The following GJC2 variants were observed in gnomAD, a reference collection of about 807,000 sequenced individuals.
The protein encoded by GJC2 is gap junction protein gamma 2, also known as gap junction gamma-2 protein.
For missense variants in GJC2, 647 were observed against 648.9 expected, an observed-to-expected ratio of 1.00 and a Z score of 0.03; for synonymous variants, 336 against 307.5, an observed-to-expected ratio of 1.09 and a Z score of -0.97.
chr1:228,151,015 C>G lies in GJC2; in HGVS notation c.-20+1008C>G, dbSNP rs957877543. ...AGCGATGACACACTCCCAGCCTGAC[C>G]CAGGCCTAACTCGCCCCCTTGGTCC... On this transcript the variant is annotated intron_variant, in intron 1 of 1. Transcript: ENST00000366714. This position sits in a 1 kb window ranked among gnomAD's most constrained non-coding sequence, Gnocchi z 5.4. Among the ~76,000 whole-genome samples, 2 of 152,090 alleles carry G rather than the reference C, an allele frequency of 1.3e-5. No individual in the cohort carries two copies. Among genetic ancestry groups the G allele is most frequent in the African/African-American group, 4.8e-5 (2 of 41,418 alleles).
chr1:228,157,740 G>GGAAC lies in GJC2; in HGVS notation c.-19_-18insGAAC. 1 of 662,260 alleles carries GGAAC rather than the reference G, an allele frequency of 1.5e-6. No homozygotes were observed. Among genetic ancestry groups the GGAAC allele is most frequent in the Non-Finnish European group, 2.6e-6 (1 of 378,506 alleles). 41.0% of individuals were successfully genotyped at this position (662,260 alleles called of 1,614,324 possible). A position where few individuals can be genotyped will look rare whatever the true frequency, so the allele number is the denominator to read the frequency against. ...GGCTGACCCCTACCCCGCCCCACAG[G>GGAAC]ACCCGCCCGCCCGCCCCTATGACCA... On this transcript the variant is annotated splice_region_variant and 5_prime_UTR_variant, in exon 2 of 2. Coordinates refer to ENST00000366714, the MANE Select transcript of GJC2 (RefSeq NM_020435.4).
In GJC2 at chr1:228,149,999, C is replaced by T. The variant is rs1380311880; in HGVS notation, c.-28C>T. The T allele has an allele frequency of 1.3e-5, 2 of 152,852 alleles. No homozygotes were observed. Among genetic ancestry groups the T allele is most frequent in the East Asian group, 3.9e-4 (2 of 5,186 alleles). The allele number at this position is 152,852 out of a possible 1,614,324, so 9.5% of individuals were successfully genotyped here. ...CTGAGGGAGACTGGAATTTTCTGGC[C>T]TGGAGAAGGTAGGGTGCTGGGGTCC... On this transcript the variant is annotated 5_prime_UTR_variant, in exon 1 of 2. Transcript: ENST00000366714.
Position 228,157,736 on chromosome 1 carries a change from A to ACCGGGGGGGGGGGGGGGGGGG in GJC2, c.-19-3_-19-2insCGGGGGGGGGGGGGGGGGGGC. ...CCCTGGCTGACCCCTACCCCGCCCC[A>ACCGGGGGGGGGGGGGGGGGGG]CAGGACCCGCCCGCCCGCCCCTATG... On this transcript the variant is annotated splice_region_variant and splice_polypyrimidine_tract_variant and intron_variant, in intron 1 of 1. Transcript: ENST00000366714. 1 of 677,004 alleles carries ACCGGGGGGGGGGGGGGGGGGG rather than the reference A, an allele frequency of 1.5e-6. No homozygotes were observed. Among genetic ancestry groups the ACCGGGGGGGGGGGGGGGGGGG allele is most frequent in the African/African-American group, 1.9e-5 (1 of 53,934 alleles). 41.9% of individuals were successfully genotyped at this position (677,004 alleles called of 1,614,324 possible). A position where few individuals can be genotyped will look rare whatever the true frequency, so the allele number is the denominator to read the frequency against.
In GJC2 at chr1:228,158,779, G is replaced by T. The variant is rs1165653380; in HGVS notation, c.1021G>T (p.Glu341Ter). The T allele has an allele frequency of 1.4e-6, 2 of 1,415,370 alleles. No individual in the cohort carries two copies. The highest frequency in any genetic ancestry group is 1.3e-5 in the South Asian group (1 of 75,364). 87.7% of individuals were successfully genotyped at this position (1,415,370 alleles called of 1,614,324 possible). The change falls in exon 2 of 2, where the codon GAG becomes TAG. Residue 341 changes from glutamate to a stop codon, truncating the protein, a stop_gained. Transcript: ENST00000366714. LOFTEE classifies it low-confidence loss of function (END_TRUNC). The surrounding 1 kb of genome is among the most constrained non-coding windows in gnomAD (Gnocchi z 8.3). ...CTACAGCCTGGTGGTGCGGGCGGCC[G>T]AGCGCGCTCGGGCGCATGACCAGAA... ...PDYSLVVRAA[E>*]RARAHDQNLA...
intron 1 of GJC2, among the ~76,000 whole-genome samples, chr1:228,153,581 CTTT>C (rs149136887): frequency 1.6e-4 from 15 of 93,152 alleles, no homozygotes; most frequent in South Asian, 4.2e-4. Context: ...TTTCTCTTTT[CTTT>C]TTTTTTTTTT....
Position 228,151,561 on chromosome 1 carries a change from C to G in GJC2, c.-20+1554C>G, listed in dbSNP as rs1231193451. Among the ~76,000 whole-genome samples the G allele has an allele frequency of 6.6e-6, 1 of 152,072 alleles. No individual in the cohort carries two copies. The highest frequency in any genetic ancestry group is 1.5e-5 in the Non-Finnish European group (1 of 68,008). ...AGCCCAGCTCCATGTTGAGCTCGAGCAGCAGTGTGCATGTGGCAGTGTGCA... is the reference window on the plus strand; with the variant it reads ...AGCCCAGCTCCATGTTGAGCTCGAGGAGCAGTGTGCATGTGGCAGTGTGCA... On this transcript the variant is annotated intron_variant, in intron 1 of 1. Coordinates refer to ENST00000366714, the MANE Select transcript of GJC2 (RefSeq NM_020435.4). This position sits in a 1 kb window ranked among gnomAD's most constrained non-coding sequence, Gnocchi z 5.4.
At chr1:228,156,305 G>T (rs979609936) in intron 1 of GJC2, among the ~76,000 whole-genome samples, 1 of 152,246 alleles carries the variant, frequency 6.6e-6, no homozygotes, top group African/African-American at 2.4e-5. Context: ...CATGCCTGTG[G>T]ATGTACACAT....
In GJC2 at chr1:228,158,095, G is replaced by C. The variant is rs1472672626; in HGVS notation, c.337G>C (p.Ala113Pro). The part of the protein sequence containing the change: ...ARASEQERRR[A>P]LRRRPGPRRA... ...TGCGTCTGAGCAGGAGCGGCGCCGC[G>C]CCCTCCGCCGCCGCCCGGGGCCACG... Residue 113 changes from alanine to proline, a missense_variant, in exon 2 of 2, where the codon GCC becomes CCC. By Grantham distance (27) the Ala-to-Pro change is conservative. Transcript: ENST00000366714. The surrounding 1 kb of genome is among the most constrained non-coding windows in gnomAD (Gnocchi z 8.3). 2 of 1,478,330 alleles carry C rather than the reference G, an allele frequency of 1.4e-6. No individual in the cohort carries two copies. Among genetic ancestry groups the C allele is most frequent in the Non-Finnish European group, 1.8e-6 (2 of 1,109,386 alleles). The allele number at this position is 1,478,330 out of a possible 1,614,324, so 91.6% of individuals were successfully genotyped here.
Position 228,158,369 on chromosome 1 carries a change from T to G in GJC2, c.611T>G (p.Ile204Ser). 6.3e-7 allele frequency: 1 copy of G among 1,599,132 alleles called. No individual in the cohort carries two copies. The highest frequency in any genetic ancestry group is 1.1e-5 in the South Asian group (1 of 90,410). ...GGGCAACACGATGGGCGGAGGCGCA[T>G]CCAGCGGGAGGGCCTGATGCGCGTG... ...PTGQHDGRRR[I>S]QREGLMRVYV... Residue 204 changes from isoleucine (I) to serine (S), a missense_variant, in exon 2 of 2, where the codon ATC (isoleucine) becomes AGC (serine). Ile to Ser is a moderately radical substitution (Grantham distance 142). Transcript: ENST00000366714. This position sits in a 1 kb window ranked among gnomAD's most constrained non-coding sequence, Gnocchi z 8.3.
rs1434548378 is a variant in GJC2, at chr1:228,158,851, G to C, written c.1093G>C (p.Gly365Arg). Residue 365 changes from glycine (G) to arginine (R), a missense_variant, in exon 2 of 2, where the codon GGG becomes CGG. By Grantham distance (125) the Gly-to-Arg change is moderately radical. Transcript: ENST00000366714. The surrounding 1 kb of genome is among the most constrained non-coding windows in gnomAD (Gnocchi z 8.3). ...GGCGCTGCGCGACGGGGCAGCGGCT[G>C]GGGACCGCGACCGGGACAGTTCGCC... ...LQALRDGAAA[G>R]DRDRDSSPCV... The C allele has an allele frequency of 2.0e-6, 3 of 1,475,652 alleles. No homozygotes were observed. Among genetic ancestry groups the C allele is most frequent in the Non-Finnish European group, 2.7e-6 (3 of 1,119,308 alleles). 91.4% of individuals were successfully genotyped at this position (1,475,652 alleles called of 1,614,324 possible).
At position 228,158,888 on chromosome 1, in the gene GJC2, T is replaced by A. The variant is rs773198692; in HGVS notation, c.1130T>A (p.Leu377His). ...RDRDSSPCVG[L>H]PAASRGPPRA... is the part of the protein sequence containing the mutation. ...CGGGACAGTTCGCCGTGCGTCGGCC[T>A]CCCTGCGGCCTCCCGGGGGCCCCCC... Residue 377 changes from leucine (L) to histidine (H), a missense_variant, in exon 2 of 2, where the codon CTC (leucine) becomes CAC (histidine). Coordinates refer to ENST00000366714, the MANE Select transcript of GJC2 (RefSeq NM_020435.4). The surrounding 1 kb of genome is among the most constrained non-coding windows in gnomAD (Gnocchi z 8.3). 25 of 1,488,282 alleles carry A rather than the reference T, an allele frequency of 1.7e-5. No individual in the cohort carries two copies. Among genetic ancestry groups the A allele is most frequent in the Non-Finnish European group, 2.2e-5 (25 of 1,127,964 alleles). The allele number at this position is 1,488,282 out of a possible 1,614,324, so 92.2% of individuals were successfully genotyped here.
chr1:228,152,022 G>T lies in GJC2; in HGVS notation c.-20+2015G>T, dbSNP rs1308291851. ...GGCCTGAGGATGGGTGAGTGCTGTA[G>T]CCCCCTCTGAGTGAGGACTGTCCCC... On this transcript the variant is annotated intron_variant, in intron 1 of 1. Transcript: ENST00000366714. The surrounding 1 kb of genome is among the most constrained non-coding windows in gnomAD (Gnocchi z 7.3). 6.6e-6 allele frequency among the ~76,000 whole-genome samples: 1 copy of T among 152,120 alleles called. No homozygotes were observed. The highest frequency in any genetic ancestry group is 1.5e-5 in the Non-Finnish European group (1 of 67,996).
At chr1:228,153,098 C>G (rs1451590812) in intron 1 of GJC2, among the ~76,000 whole-genome samples, 2 of 152,210 alleles carry the variant, frequency 1.3e-5, no homozygotes, top group Admixed American at 6.5e-5. Context: ...CCCCTCCCCT[C>G]TCCTCCCGTG....
chr1:228,157,497 T>G (rs543546801), intron 1 of GJC2, among the ~76,000 whole-genome samples: 25 of 152,148 alleles, frequency 1.6e-4, no homozygotes, highest in Non-Finnish European at 3.1e-4. Context: ...CACACTTGAG[T>G]GGTGCTTGCC....
In GJC2 at chr1:228,151,757, G is replaced by A. The variant is rs905070376; in HGVS notation, c.-20+1750G>A. 1.3e-5 allele frequency among the ~76,000 whole-genome samples: 2 copies of A among 152,140 alleles called. No homozygotes were observed. Among genetic ancestry groups the A allele is most frequent in the African/African-American group, 4.8e-5 (2 of 41,432 alleles). ...AGTGGGCATGGAGGGAGGGTTCCAG[G>A]CCTCGGGCTTGGGTCCTAGGTGGCT... On this transcript the variant is annotated intron_variant, in intron 1 of 1. Transcript: ENST00000366714. The surrounding 1 kb of genome is among the most constrained non-coding windows in gnomAD (Gnocchi z 5.4).
In GJC2 at chr1:228,158,966, T is replaced by C. The variant is rs1310388444; in HGVS notation, c.1208T>C (p.Val403Ala). 3.8e-6 allele frequency: 6 copies of C among 1,589,400 alleles called. No homozygotes were observed. The highest frequency in any genetic ancestry group is 5.1e-6 in the Non-Finnish European group (6 of 1,169,898). Reference sequence around the variant, plus strand: ...GGCAGTGCTACCTCTGCGGGCACTGTCGGGGAGCAGGGCCGGCCCGGCACC... The same window carrying C: ...GGCAGTGCTACCTCTGCGGGCACTGCCGGGGAGCAGGGCCGGCCCGGCACC... Reference protein sequence around the residue: ...RTGSATSAGTVGEQGRPGTHE... With the variant: ...RTGSATSAGTAGEQGRPGTHE... The change falls in exon 2 of 2, where the codon GTC becomes GCC. Residue 403 changes from valine to alanine, a missense_variant. By Grantham distance (64) the Val-to-Ala change is moderately conservative. Transcript: ENST00000366714. This position sits in a 1 kb window ranked among gnomAD's most constrained non-coding sequence, Gnocchi z 8.3.
chr1:228,159,299 C>A lies in GJC2; in HGVS notation c.*221C>A. 1 of 594,548 alleles carries A rather than the reference C, an allele frequency of 1.7e-6. No individual in the cohort carries two copies. The highest frequency in any genetic ancestry group is 3.0e-6 in the Non-Finnish European group (1 of 328,308). The allele number at this position is 594,548 out of a possible 1,614,324, so 36.8% of individuals were successfully genotyped here. A position where few individuals can be genotyped will look rare whatever the true frequency, so the allele number is the denominator to read the frequency against. On this transcript the variant is annotated 3_prime_UTR_variant, in exon 2 of 2. Coordinates refer to ENST00000366714, the MANE Select transcript of GJC2 (RefSeq NM_020435.4). This position sits in a 1 kb window ranked among gnomAD's most constrained non-coding sequence, Gnocchi z 4.0. ...GGTGGGGTGGAGAGAGGCCTAGGAG[C>A]CAGAAAGGGCCCTCTGCTGTGGTCT...
Position 228,158,965 on chromosome 1 carries a change from G to A in GJC2, c.1207G>A (p.Val403Ile). 6.3e-7 allele frequency: 1 copy of A among 1,589,020 alleles called. No individual in the cohort carries two copies. Among genetic ancestry groups the A allele is most frequent in the Non-Finnish European group, 8.5e-7 (1 of 1,169,702 alleles). ...RTGSATSAGTVGEQGRPGTHE... is the reference protein window; with the variant it reads ...RTGSATSAGTIGEQGRPGTHE... ...GGGCAGTGCTACCTCTGCGGGCACT[G>A]TCGGGGAGCAGGGCCGGCCCGGCAC... Residue 403 changes from valine (V) to isoleucine (I), a missense_variant, in exon 2 of 2, where the codon GTC (valine) becomes ATC (isoleucine). By Grantham distance (29) the Val-to-Ile change is conservative. Coordinates refer to ENST00000366714, the MANE Select transcript of GJC2 (RefSeq NM_020435.4). The surrounding 1 kb of genome is among the most constrained non-coding windows in gnomAD (Gnocchi z 8.3).
chr1:228,158,956 G>T lies in GJC2; in HGVS notation c.1198G>T (p.Ala400Ser). 1 of 1,579,406 alleles carries T rather than the reference G, an allele frequency of 6.3e-7. No homozygotes were observed. Among genetic ancestry groups the T allele is most frequent in the Non-Finnish European group, 8.6e-7 (1 of 1,165,004 alleles). ...PASRTGSATS[A>S]GTVGEQGRPG... ...GTCCCGGACGGGCAGTGCTACCTCT[G>T]CGGGCACTGTCGGGGAGCAGGGCCG... Residue 400 changes from alanine (A) to serine (S), a missense_variant, in exon 2 of 2, where the codon GCG (alanine) becomes TCG (serine). Physicochemically the swap from Ala to Ser is moderately conservative, Grantham distance 99 (BLOSUM62 1). Transcript: ENST00000366714. This position sits in a 1 kb window ranked among gnomAD's most constrained non-coding sequence, Gnocchi z 8.3.
Sources: gnomAD v4.1 joint callset for allele counts (sites outside exome capture counted in the v4.1 genomes callset) on GRCh38, gnomAD v4.1.1 for gene constraint, Gnocchi (gnomAD v3.1) non-coding constraint, MANE v1.5 for transcripts, NCBI Gene and HGNC (gene_info 2026-07-23, HGNC 2026-07-21) for gene names.